The following NAALAD2 variants were observed in gnomAD, a reference collection of about 807,000 sequenced individuals.
NAALAD2 encodes the protein N-acetylated-alpha-linked acidic dipeptidase 2.
In NAALAD2, 89 loss-of-function variants were observed where a neutral mutation model predicts 95.6. That is an observed-to-expected ratio of 0.93 (90% CI 0.78 to 1.11). NAALAD2 has a LOEUF of 1.11. Among genes scored for constraint, NAALAD2 ranks in the 50% least tolerant of loss-of-function variants. NAALAD2 has a pLI of 0.00. For synonymous variants in NAALAD2, 264 were observed against 294.4 expected (o/e 0.90, Z 1.06); for missense variants, 894 against 872.4 (o/e 1.02, Z -0.31).
chr11:90,173,809 G>T lies in NAALAD2; in HGVS notation c.1411-15G>T. The T allele has an allele frequency of 6.3e-7, 1 of 1,592,638 alleles. No individual in the cohort carries two copies. Among genetic ancestry groups the T allele is most frequent in the South Asian group, 1.1e-5 (1 of 87,414 alleles). On this transcript the variant is annotated splice_polypyrimidine_tract_variant and intron_variant, in intron 13 of 18. Coordinates refer to ENST00000534061, the MANE Select transcript of NAALAD2 (RefSeq NM_005467.4). ...CTTCTACCCCTAATTTCCAGTATTT[G>T]ATTTCTCTTTCCAGATCCCCAGCCC...
intron 2 of NAALAD2, among the ~76,000 whole-genome samples, chr11:90,143,351 A>G (rs1043660401): frequency 2.6e-5 from 4 of 152,102 alleles, no homozygotes; most frequent in African/African-American, 4.8e-5. Context: ...TTTTTCCTGG[A>G]CATAGAATTC....
chr11:90,134,163 G>A (rs995842461), upstream of NAALAD2, among the ~76,000 whole-genome samples: 3 of 152,090 alleles, frequency 2.0e-5, no homozygotes, highest in Admixed American at 2.0e-4. Flanking sequence ...TAAATGAGTG[G>A]AAACAGAATT....
At chr11:90,167,160 C>A (rs551917608) in intron 11 of NAALAD2, among the ~76,000 whole-genome samples, 1 of 152,172 alleles carries the variant, frequency 6.6e-6, no homozygotes, top group African/African-American at 2.4e-5. Flanking sequence ...AGGCTGGAGC[C>A]GGCTCCCTCA....
chr11:90,133,759 T>C (rs1297826769), upstream of NAALAD2, among the ~76,000 whole-genome samples: 3 of 152,342 alleles, frequency 2.0e-5, no homozygotes, highest in Admixed American at 2.0e-4. Flanking sequence ...AGGCTGCCAG[T>C]TGTATTGACA....
intron 9 of NAALAD2, 95 bp downstream of exon 9, chr11:90,163,129 G>C: frequency 8.2e-7 from 1 of 1,212,684 alleles, no homozygotes; most frequent in Non-Finnish European, 1.2e-6. Flanking sequence ...GGGGTTTTTT[G>C]GCTGATTTGA....
At chr11:90,155,790 T>C (rs1243556792) in intron 6 of NAALAD2, among the ~76,000 whole-genome samples, 3 of 135,600 alleles carry the variant, frequency 2.2e-5, no homozygotes, top group Non-Finnish European at 4.6e-5. Context: ...TATTATTACA[T>C]ACATATTACA....
At chr11:90,189,147 G>A (rs187426792) in intron 18 of NAALAD2, among the ~76,000 whole-genome samples, 7 of 152,296 alleles carry the variant, frequency 4.6e-5, no homozygotes, top group Admixed American at 4.6e-4. Context: ...CTAAAATGCA[G>A]TTGCGGATTT....
At chr11:90,180,829 C>CA (rs1023738597) in intron 16 of NAALAD2, among the ~76,000 whole-genome samples, 2 of 151,904 alleles carry the variant, frequency 1.3e-5, no homozygotes, top group African/African-American at 4.8e-5. Flanking sequence ...CATTAAGTTT[C>CA]AAAAAAGCAA....
At chr11:90,134,653 G>T, upstream of NAALAD2, 1 of 1,109,490 alleles carries the variant, frequency 9.0e-7, no homozygotes, top group Non-Finnish European at 1.4e-6. Context: ...AAGGTCAGCG[G>T]AGGCCACCCA....
intron 8 of NAALAD2, 72 bp downstream of exon 8, chr11:90,159,409 C>A: frequency 1.8e-6 from 2 of 1,101,718 alleles, no homozygotes; most frequent in Non-Finnish European, 2.7e-6. Flanking sequence ...GATAACTGTT[C>A]TGCCAGGGGT....
Position 90,150,599 on chromosome 11 carries a change from G to A in NAALAD2, c.601G>A (p.Gly201Arg). 6.3e-7 allele frequency: 1 copy of A among 1,588,906 alleles called. No individual in the cohort carries two copies. The highest frequency in any genetic ancestry group is 8.6e-7 in the Non-Finnish European group (1 of 1,159,156). ...TGCAAGATATGGAAAAATCTTCAGAGGAAATAAAGTACAGTATTATTTGTT... is the reference window on the plus strand; with the variant it reads ...TGCAAGATATGGAAAAATCTTCAGAAGAAATAAAGTACAGTATTATTTGTT... ...VIARYGKIFR[G>R]NKVKNAMLAG... is the part of the protein sequence containing the mutation. The change falls in exon 5 of 19, where the codon GGA becomes AGA. Residue 201 changes from glycine (G) to arginine (R), a missense_variant. Coordinates refer to ENST00000534061, the MANE Select transcript of NAALAD2 (RefSeq NM_005467.4).
At position 90,150,485 on chromosome 11, in the gene NAALAD2, G is replaced by C. The variant is rs773732566; in HGVS notation, c.487G>C (p.Asp163His). The C allele has an allele frequency of 1.9e-5, 30 of 1,596,858 alleles. No homozygotes were observed. In the East Asian group the frequency reaches 5.8e-4, roughly 31 times the overall value. The stretch of plus-strand genomic sequence containing the variant: ...ATATATTTTCTTTTCCCTATAGGGA[G>C]ATCTTGTATATGTGAACTATGCTCG... ...AFSAQGMPEGDLVYVNYARTE... is the reference protein window; with the variant it reads ...AFSAQGMPEGHLVYVNYARTE... Residue 163 changes from aspartate (D) to histidine (H), a missense_variant, in exon 5 of 19, where the codon GAT becomes CAT. By Grantham distance (81) the Asp-to-His change is moderately conservative. Coordinates refer to ENST00000534061, the MANE Select transcript of NAALAD2 (RefSeq NM_005467.4).
At chr11:90,146,043 G>A (rs563060292) in intron 2 of NAALAD2, among the ~76,000 whole-genome samples, 2 of 152,108 alleles carry the variant, frequency 1.3e-5, no homozygotes, top group South Asian at 2.1e-4. Context: ...TCAGGATCGG[G>A]TAACTACAAT....
chr11:90,163,666 C>T, intron 11 of NAALAD2, 49 bp downstream of exon 11: 2 of 1,509,834 alleles, frequency 1.3e-6, no homozygotes, highest in Non-Finnish European at 1.8e-6. Context: ...CAACAGGGAA[C>T]AAATATGTAT....
chr11:90,165,034 T>C (rs1047191368), intron 11 of NAALAD2, among the ~76,000 whole-genome samples: 1 of 152,190 alleles, frequency 6.6e-6, no homozygotes, highest in African/African-American at 2.4e-5. Context: ...TGGGTTCTCA[T>C]CATTTAACTC....
At position 90,135,559 on chromosome 11, in the gene NAALAD2, G is replaced by C; in HGVS notation, c.83G>C (p.Gly28Ala). ...LASFLMGFMVGWFIKPLKETT... is the reference protein window; with the variant it reads ...LASFLMGFMVAWFIKPLKETT... ...ATGTTTGTGTATTTTTTTTCCTTAG[G>C]CTGGTTTATTAAGCCTCTCAAAGAA... Residue 28 changes from glycine (G) to alanine (A), a missense_variant and splice_region_variant, in exon 2 of 19, where the codon GGC becomes GCC. Transcript: ENST00000534061. 1.2e-6 allele frequency: 2 copies of C among 1,603,024 alleles called. No individual in the cohort carries two copies. The highest frequency in any genetic ancestry group is 1.7e-6 in the Non-Finnish European group (2 of 1,174,132).
In NAALAD2 at chr11:90,149,733, C is replaced by T. The variant is rs575436584; in HGVS notation, c.483+626C>T. ...GATTACAGGCGTGAGCTACCGCTTC[C>T]GCCCAGCAGTAGGTGTTTTTACAAG... On this transcript the variant is annotated intron_variant, in intron 4 of 18. Coordinates refer to ENST00000534061, the MANE Select transcript of NAALAD2 (RefSeq NM_005467.4). Among the ~76,000 whole-genome samples the T allele has an allele frequency of 1.4e-3, 213 of 152,106 alleles. 1 individual carries two copies. Among genetic ancestry groups the T allele is most frequent in the African/African-American group, 4.4e-3 (182 of 41,496 alleles).
intron 17 of NAALAD2, 25 bp downstream of exon 17, chr11:90,181,726 T>TAAA (rs3832738): frequency 1.6e-5 from 16 of 982,386 alleles, no homozygotes; most frequent in Non-Finnish European, 2.0e-5. Flanking sequence ...CCTTTTTTTT[T>TAAA]AAAAAAAAAA....
chr11:90,140,283 TTA>T (rs1404195787), intron 2 of NAALAD2, among the ~76,000 whole-genome samples: 1 of 152,154 alleles, frequency 6.6e-6, no homozygotes, highest in Non-Finnish European at 1.5e-5. Context: ...TATTGTATCT[TTA>T]TGTTTGTTTA....
Sources: allele counts gnomAD v4.1 joint callset (sites outside exome capture counted in the v4.1 genomes callset), GRCh38; gene constraint gnomAD v4.1.1; transcripts MANE v1.5; gene names NCBI Gene and HGNC (gene_info 2026-07-23, HGNC 2026-07-21).